The following VAT1L variants were observed in gnomAD, a reference collection of about 807,000 sequenced individuals.
VAT1L encodes vesicle amine transport 1 like.
In VAT1L, 34 loss-of-function variants were observed where a neutral mutation model predicts 44.1. The observed-to-expected ratio is 0.77, with a 90% CI of 0.59 to 1.03. The LOEUF is 1.03. Among genes scored for constraint, VAT1L ranks in the 50% least tolerant of loss-of-function variants. VAT1L has a pLI of 0.00. For missense variants in VAT1L, 615 were observed against 538.8 expected (o/e 1.14, Z -1.40); for synonymous variants, 253 against 202.2 (o/e 1.25, Z -2.13).
At chr16:77,932,365 A>G (rs547616907) in intron 7 of VAT1L, among the ~76,000 whole-genome samples, 1 of 152,188 alleles carries the variant, frequency 6.6e-6, no homozygotes, top group South Asian at 2.1e-4. Context: ...TTGGCCTCCA[A>G]AAGTGCTAGG....
At chr16:77,798,349 C>T (rs902744567) in intron 1 of VAT1L, among the ~76,000 whole-genome samples, 19 of 152,204 alleles carry the variant, frequency 1.2e-4, no homozygotes, top group Non-Finnish European at 2.4e-4. Flanking sequence ...AATTCAAATC[C>T]TAGCTCTAAC....
chr16:77,806,906 G>A (rs1252390365), intron 1 of VAT1L, among the ~76,000 whole-genome samples: 4 of 152,134 alleles, frequency 2.6e-5, no homozygotes, highest in African/African-American at 9.7e-5. Flanking sequence ...ATGGAAAGCT[G>A]GGGTGAGGCC....
rs147250450 is a variant in VAT1L, at chr16:77,874,764, A to C, written c.723-1606A>C. On this transcript the variant is annotated intron_variant, in intron 4 of 8. Coordinates refer to ENST00000302536, the MANE Select transcript of VAT1L (RefSeq NM_020927.3). Reference sequence around the variant, plus strand: ...GCCTCTTATACGCTCCAAAAAGAGGAGAAAGCAATATACTACATCCTCCAG... The same window carrying C: ...GCCTCTTATACGCTCCAAAAAGAGGCGAAAGCAATATACTACATCCTCCAG... Among the ~76,000 whole-genome samples, 21 of 150,572 alleles carry C rather than the reference A, an allele frequency of 1.4e-4. No individual in the cohort carries two copies. In the East Asian group the frequency reaches 3.6e-3, roughly 26 times the overall value.
intron 7 of VAT1L, among the ~76,000 whole-genome samples, chr16:77,964,735 C>G (rs1421933993): frequency 6.7e-6 from 1 of 150,158 alleles, no homozygotes; most frequent in Admixed American, 6.8e-5. Context: ...AACCCCTCAC[C>G]ATCTATTCTC....
Position 77,936,352 on chromosome 16 carries a change from GA to G in VAT1L, c.1078-35497del, listed in dbSNP as rs1257868960. Among the ~76,000 whole-genome samples the G allele has an allele frequency of 3.9e-5, 6 of 152,284 alleles. No individual in the cohort carries two copies. The East Asian group carries it at 1.2e-3, about 29-fold the overall frequency. On this transcript the variant is annotated intron_variant, in intron 7 of 8. Transcript: ENST00000302536. ...AGAGGCTTTCTGACTTGCCCAGGAT[GA>G]CTACAGTGAGTAAGGGGAGCCTCAG...
intron 3 of VAT1L, among the ~76,000 whole-genome samples, chr16:77,845,382 T>G (rs748131988): frequency 6.6e-6 from 1 of 152,042 alleles, no homozygotes; most frequent in African/African-American, 2.4e-5. Context: ...AGTTAGGAGG[T>G]GTGTTCTATG....
chr16:77,940,040 C>T (rs1031665321), intron 7 of VAT1L, among the ~76,000 whole-genome samples: 8 of 152,134 alleles, frequency 5.3e-5, no homozygotes, highest in African/African-American at 1.7e-4. Context: ...CAGAAATTTT[C>T]CAAGGCAGGA....
At chr16:77,956,195 TATAC>T (rs1314068878) in intron 7 of VAT1L, among the ~76,000 whole-genome samples, 2 of 152,120 alleles carry the variant, frequency 1.3e-5, no homozygotes, top group Non-Finnish European at 2.9e-5. Context: ...ACCCCATAAA[TATAC>T]ATACTTACCA....
At chr16:77,954,251 G>C (rs1334004973) in intron 7 of VAT1L, among the ~76,000 whole-genome samples, 1 of 152,236 alleles carries the variant, frequency 6.6e-6, no homozygotes, top group African/African-American at 2.4e-5. Flanking sequence ...GAAAAGGGTT[G>C]TAGTCACGGC....
chr16:77,795,847 A>G (rs2015923245), intron 1 of VAT1L, among the ~76,000 whole-genome samples: 1 of 106,124 alleles, frequency 9.4e-6, no homozygotes, highest in Non-Finnish European at 1.8e-5. Flanking sequence ...TTCATTTGAG[A>G]CAGAGTTTTG....
chr16:77,902,972 G>GAAAAAA (rs11307214), intron 7 of VAT1L, among the ~76,000 whole-genome samples: 19 of 96,368 alleles, frequency 2.0e-4, no homozygotes, highest in Non-Finnish European at 3.4e-4. Context: ...GACTCTGTCT[G>GAAAAAA]AAAAAAAAAA....
At chr16:77,844,102 CAT>C (rs986096613) in intron 3 of VAT1L, among the ~76,000 whole-genome samples, 18 of 152,184 alleles carry the variant, frequency 1.2e-4, no homozygotes, top group South Asian at 4.1e-4. Flanking sequence ...CACACACACA[CAT>C]ATACATATTA....
chr16:77,952,979 AT>A (rs2018061916), intron 7 of VAT1L, among the ~76,000 whole-genome samples: 1 of 151,790 alleles, frequency 6.6e-6, no homozygotes, highest in South Asian at 2.1e-4. Context: ...TTGCAGATAT[AT>A]TGCAACAACA....
At chr16:77,869,913 G>A (rs1567493040) in intron 4 of VAT1L, among the ~76,000 whole-genome samples, 1 of 152,194 alleles carries the variant, frequency 6.6e-6, no homozygotes, top group Non-Finnish European at 1.5e-5. Flanking sequence ...AGAAAAGGCA[G>A]AGATCAGACC....
chr16:77,824,510 C>G (rs1236342453), intron 2 of VAT1L, among the ~76,000 whole-genome samples: 2 of 152,102 alleles, frequency 1.3e-5, no homozygotes, highest in African/African-American at 2.4e-5. Context: ...AATCCCAGCA[C>G]TTTGGGAGGT....
At chr16:77,928,740 G>A (rs746090453) in intron 7 of VAT1L, among the ~76,000 whole-genome samples, 20 of 128,888 alleles carry the variant, frequency 1.6e-4, no homozygotes, top group Admixed American at 3.5e-4. Flanking sequence ...ATTGATGGGG[G>A]TGTCAGGAGA....
At chr16:77,835,112 T>G (rs1357774539) in intron 3 of VAT1L, among the ~76,000 whole-genome samples, 1 of 152,226 alleles carries the variant, frequency 6.6e-6, no homozygotes, top group Non-Finnish European at 1.5e-5. Flanking sequence ...TTTTTCTTTT[T>G]GTGTCTGGTT....
At chr16:77,959,863 A>G (rs1319481401) in intron 7 of VAT1L, among the ~76,000 whole-genome samples, 1 of 152,166 alleles carries the variant, frequency 6.6e-6, no homozygotes, top group Non-Finnish European at 1.5e-5. Flanking sequence ...TGTAGTAACC[A>G]AAGTCCCCAA....
chr16:77,789,050 T>G, intron 1 of VAT1L, 135 bp downstream of exon 1: 2 of 1,097,628 alleles, frequency 1.8e-6, no homozygotes, highest in Non-Finnish European at 2.5e-6. Flanking sequence ...CACCCGGGTC[T>G]CAGAGCCTCC....
Sources: allele counts gnomAD v4.1 joint callset (sites outside exome capture counted in the v4.1 genomes callset), GRCh38; gene constraint gnomAD v4.1.1; transcripts MANE v1.5; gene names NCBI Gene and HGNC (gene_info 2026-07-23, HGNC 2026-07-21).